The following SFXN1 variants were observed in gnomAD, a reference collection of about 807,000 sequenced individuals.
The protein encoded by SFXN1 is sideroflexin-1.
A neutral mutation model predicts 39.5 loss-of-function variants in SFXN1; 32 were observed. The observed-to-expected ratio is 0.81, with a 90% CI of 0.61 to 1.09. The LOEUF (loss-of-function observed/expected upper bound fraction) is 1.09. Ranked by LOEUF, SFXN1 falls within the 50% of genes least tolerant of loss-of-function variation. The pLI is 0.00. For missense variants in SFXN1, 402 were observed against 407.1 expected (o/e 0.99, Z 0.11); for synonymous variants, 136 against 146.5 (o/e 0.93, Z 0.52).
At chr5:175,485,902 A>G (rs1360849124) in intron 1 of SFXN1, among the ~76,000 whole-genome samples, 1 of 152,236 alleles carries the variant, frequency 6.6e-6, no homozygotes, top group Non-Finnish European at 1.5e-5. Flanking sequence ...CGGAATGTGC[A>G]TAGGATGTCT....
chr5:175,529,661 C>G lies in SFXN1; in HGVS notation c.*2927C>G, dbSNP rs1761193520. 1 of 152,196 alleles carries G rather than the reference C, an allele frequency of 6.6e-6. No individual in the cohort carries two copies. Among genetic ancestry groups the G allele is most frequent in the South Asian group, 2.1e-4 (1 of 4,832 alleles). The allele number at this position is 152,196 out of a possible 1,614,324, so 9.4% of individuals were successfully genotyped here. A position where few individuals can be genotyped will look rare whatever the true frequency, so the allele number is the denominator to read the frequency against. ...GGCAGCTTTTATTTCAGTATTAGCA[C>G]AGCGTCTTGCCAGTGTTGGAGGCCA... is the stretch of plus-strand genomic sequence containing the variant. On this transcript the variant is annotated 3_prime_UTR_variant, in exon 11 of 11. Coordinates refer to ENST00000321442, the MANE Select transcript of SFXN1 (RefSeq NM_022754.7).
At chr5:175,525,497 A>G (rs1414065714) in intron 10 of SFXN1, among the ~76,000 whole-genome samples, 2 of 152,036 alleles carry the variant, frequency 1.3e-5, no homozygotes, top group Admixed American at 6.6e-5. Context: ...TTTTTTTCCT[A>G]CCTTTTTTCT....
chr5:175,486,572 G>A (rs1759458935), intron 1 of SFXN1, among the ~76,000 whole-genome samples: 1 of 151,974 alleles, frequency 6.6e-6, no homozygotes, highest in African/African-American at 2.4e-5. Context: ...GACCAGCCTG[G>A]GCAATAGAGT....
intron 2 of SFXN1, among the ~76,000 whole-genome samples, chr5:175,506,915 T>A (rs1351030709): frequency 6.6e-6 from 1 of 152,136 alleles, no homozygotes; most frequent in Admixed American, 6.5e-5. Flanking sequence ...CCACCCACCT[T>A]GGCCTCCCAA....
At chr5:175,505,575 C>A (rs1021350396) in intron 2 of SFXN1, among the ~76,000 whole-genome samples, 3 of 87,552 alleles carry the variant, frequency 3.4e-5, no homozygotes, top group Admixed American at 2.4e-4. Context: ...AATAATAATT[C>A]TAAGGTTTAT....
chr5:175,511,667 G>A lies in SFXN1; in HGVS notation c.510+141G>A, dbSNP rs533277713. On this transcript the variant is annotated intron_variant, in intron 5 of 10. Transcript: ENST00000321442. ...TGCTTATCTTCAGCTGCATATTTTAGTTATATCTTCCAATAAGTTTGGGAA... is the reference window on the plus strand; with the variant it reads ...TGCTTATCTTCAGCTGCATATTTTAATTATATCTTCCAATAAGTTTGGGAA... 2.7e-5 allele frequency: 19 copies of A among 706,038 alleles called. No individual in the cohort carries two copies. The African/African-American group carries it at 3.4e-4, about 13-fold the overall frequency. 43.7% of individuals were successfully genotyped at this position (706,038 alleles called of 1,614,324 possible). A position where few individuals can be genotyped will look rare whatever the true frequency, so the allele number is the denominator to read the frequency against.
chr5:175,501,293 C>T (rs1760073378), intron 2 of SFXN1, among the ~76,000 whole-genome samples: 1 of 152,084 alleles, frequency 6.6e-6, no homozygotes, highest in African/African-American at 2.4e-5. Flanking sequence ...TGGTCTCGAT[C>T]TCCTGACCTC....
intron 6 of SFXN1, among the ~76,000 whole-genome samples, chr5:175,513,161 A>G (rs976298558): frequency 1.3e-5 from 2 of 151,936 alleles, no homozygotes; most frequent in African/African-American, 4.8e-5. Context: ...ATTGGCCGGC[A>G]CACTGTCACA....
intron 1 of SFXN1, among the ~76,000 whole-genome samples, chr5:175,488,463 T>C (rs1169794755): frequency 7.2e-5 from 11 of 152,100 alleles, no homozygotes. Flanking sequence ...CCACCACGCC[T>C]GACTAATTTT....
At chr5:175,484,749 C>T (rs189514081) in intron 1 of SFXN1, among the ~76,000 whole-genome samples, 120 of 152,316 alleles carry the variant, frequency 7.9e-4, no homozygotes, top group Admixed American at 3.4e-3. Context: ...TTTTTAGAGA[C>T]GGGTTTTACT....
At chr5:175,501,067 T>C (rs1230150728) in intron 2 of SFXN1, among the ~76,000 whole-genome samples, 2 of 118,450 alleles carry the variant, frequency 1.7e-5, no homozygotes, top group Non-Finnish European at 3.5e-5. Flanking sequence ...GCAAAGATTT[T>C]TTTTTTTTTT....
rs149811664 is a variant in SFXN1, at chr5:175,514,421, C to A, written c.724+831C>A. Reference sequence around the variant, plus strand: ...TCCACCCTAAGGCTGCTTAGAGCTACCTTCAGACCAGGGGCCTAAAGAAAG... The same window carrying A: ...TCCACCCTAAGGCTGCTTAGAGCTAACTTCAGACCAGGGGCCTAAAGAAAG... On this transcript the variant is annotated intron_variant, in intron 7 of 10. Transcript: ENST00000321442. 6.3e-4 allele frequency among the ~76,000 whole-genome samples: 96 copies of A among 152,280 alleles called. No homozygotes were observed. In the East Asian group the frequency reaches 0.015, roughly 24 times the overall value.
intron 2 of SFXN1, among the ~76,000 whole-genome samples, chr5:175,504,399 A>AC (rs1488286685): frequency 6.6e-6 from 1 of 151,226 alleles, no homozygotes; most frequent in Non-Finnish European, 1.5e-5. Context: ...ACATGGTGAA[A>AC]CCCCGTCTCT....
intron 2 of SFXN1, among the ~76,000 whole-genome samples, chr5:175,505,537 C>CAATAATAATAATAATAATAATAATAAT (rs3049011): frequency 7.0e-6 from 1 of 143,830 alleles, no homozygotes; most frequent in African/African-American, 2.5e-5. Context: ...AACTCCATCA[C>CAATAATAATAATAATAATAATAATAAT]AATAATAATA....
At chr5:175,507,918 A>G (rs1334144778) in intron 2 of SFXN1, among the ~76,000 whole-genome samples, 1 of 150,926 alleles carries the variant, frequency 6.6e-6, no homozygotes, top group African/African-American at 2.4e-5. Context: ...GGCTGCGGTG[A>G]GCTGAGATCA....
intron 2 of SFXN1, among the ~76,000 whole-genome samples, chr5:175,506,280 A>G (rs1222642908): frequency 2.6e-5 from 4 of 152,256 alleles, no homozygotes; most frequent in Non-Finnish European, 4.4e-5. Context: ...AATTTTCAGG[A>G]CAGCAGATAA....
chr5:175,510,467 C>T (rs1760474062), intron 4 of SFXN1, among the ~76,000 whole-genome samples: 1 of 152,032 alleles, frequency 6.6e-6, no homozygotes, highest in South Asian at 2.1e-4. Flanking sequence ...AGGATGTTAC[C>T]TCCTTCTCAC....
rs567495574 is a variant in SFXN1, at chr5:175,511,442, TC to T, written c.435-8del. The T allele has an allele frequency of 2.7e-3, 4,421 of 1,613,586 alleles. 8 individuals are homozygous for T. Among genetic ancestry groups the T allele is most frequent in the Non-Finnish European group, 3.2e-3 (3,802 of 1,179,584 alleles). On this transcript the variant is annotated splice_polypyrimidine_tract_variant and splice_region_variant and intron_variant, in intron 4 of 10. Transcript: ENST00000321442. ...TCGTCGTCCACACGATATCCTTTTTTCTTTTCAGTGAGTTGGGAACAGCTTA... is the reference window on the plus strand; with the variant it reads ...TCGTCGTCCACACGATATCCTTTTTTTTTTCAGTGAGTTGGGAACAGCTTA...
At chr5:175,483,973 G>C (rs1283673900) in intron 1 of SFXN1, 2 of 152,274 alleles carry the variant, frequency 1.3e-5, no homozygotes, top group Admixed American at 1.3e-4. Context: ...CCCGTGTAGT[G>C]TGTCCCTCTG....
Sources: gnomAD v4.1 joint callset for allele counts (sites outside exome capture counted in the v4.1 genomes callset) on GRCh38, gnomAD v4.1.1 for gene constraint, MANE v1.5 for transcripts, NCBI Gene and HGNC (gene_info 2026-07-23, HGNC 2026-07-21) for gene names.